RBPJ: variants seen among roughly 807,000 people sequenced by gnomAD.
The protein encoded by RBPJ is recombination signal binding protein for immunoglobulin kappa J region.
Under a neutral mutation model 67.8 loss-of-function variants are expected in RBPJ, and 9 were observed. That is an observed-to-expected ratio of 0.13 (90% CI 0.08 to 0.23). RBPJ has a LOEUF of 0.23. Among genes scored for constraint, RBPJ ranks in the 10% least tolerant of loss-of-function variants. The pLI, the probability that RBPJ is intolerant of heterozygous loss-of-function variation, is 1.00. For synonymous variants in RBPJ, 198 were observed against 203.3 expected, an observed-to-expected ratio of 0.97 and a Z score of 0.22; for missense variants, 305 against 595.6, an observed-to-expected ratio of 0.51 and a Z score of 5.08.
intron 1 of RBPJ, among the ~76,000 whole-genome samples, chr4:26,227,419 A>G (rs560052727): frequency 6.6e-6 from 1 of 152,332 alleles, no homozygotes. Flanking sequence ...AGCTAATAAG[A>G]CAATGTAAAG....
the RBPJ span, among the ~76,000 whole-genome samples, chr4:26,142,969 A>G: frequency 6.6e-6 from 1 of 152,112 alleles, no homozygotes; most frequent in Non-Finnish European, 1.5e-5. Flanking sequence ...TTTAGTAGAG[A>G]TGGGGTTTCA....
chr4:26,397,387 G>GT (rs1204706002), intron 2 of RBPJ, among the ~76,000 whole-genome samples: 1 of 152,160 alleles, frequency 6.6e-6, no homozygotes, highest in Non-Finnish European at 1.5e-5. Context: ...TGAACCCTCA[G>GT]TTGTTCATAA....
chr4:26,110,246 A>T, the RBPJ span, among the ~76,000 whole-genome samples: 2 of 152,154 alleles, frequency 1.3e-5, no homozygotes, highest in Admixed American at 6.5e-5. This position sits in a 1 kb window ranked among gnomAD's most constrained non-coding sequence, Gnocchi z 4.5. Context: ...GTTTCTGATT[A>T]TGGACCTTTG....
In RBPJ at chr4:26,406,244, A is replaced by C. The variant is rs1162207910; in HGVS notation, c.129A>C (p.Ala43=). ...TACTTATTCTTCATGCAAAAGTTGC[A>C]CAGAAGTCATATGGAAATGAAAAAA... ...QTVLILHAKV[A]QKSYGNEKRF... Residue 43 remains alanine (A), a synonymous_variant, in exon 3 of 11, where the codon GCA becomes GCC. Transcript: ENST00000355476. The C allele has an allele frequency of 1.2e-6, 2 of 1,610,296 alleles. No homozygotes were observed. Among genetic ancestry groups the C allele is most frequent in the Non-Finnish European group, 1.7e-6 (2 of 1,177,450 alleles).
At chr4:26,205,594 T>G (rs928978818) in intron 1 of RBPJ, among the ~76,000 whole-genome samples, 1 of 151,962 alleles carries the variant, frequency 6.6e-6, no homozygotes, top group African/African-American at 2.4e-5. Flanking sequence ...AAAAAAATTT[T>G]TTTTGTTTTG....
At chr4:26,394,470 CA>C (rs746553983) in intron 2 of RBPJ, among the ~76,000 whole-genome samples, 2,844 of 106,900 alleles carry the variant, frequency 0.027, 34 homozygotes, top group African/African-American at 0.048. Context: ...ACTGTCAGTT[CA>C]AAAAAAAAAA....
At chr4:26,328,533 G>A (rs1723892035) in intron 1 of RBPJ, among the ~76,000 whole-genome samples, 1 of 152,234 alleles carries the variant, frequency 6.6e-6, no homozygotes, top group South Asian at 2.1e-4. Context: ...TAGAAAAGGT[G>A]AGAGTTGATA....
intron 1 of RBPJ, among the ~76,000 whole-genome samples, chr4:26,214,481 CAAGG>C (rs1023135343): frequency 1.3e-5 from 1 of 78,464 alleles, no homozygotes; most frequent in Admixed American, 2.1e-4. Flanking sequence ...GAAAGAGAAA[CAAGG>C]AGGGAAGGAG....
chr4:26,370,157 C>T (rs907904801), intron 1 of RBPJ, among the ~76,000 whole-genome samples: 1 of 151,970 alleles, frequency 6.6e-6, no homozygotes, highest in Non-Finnish European at 1.5e-5. Flanking sequence ...AATAACTGGA[C>T]CAGTGGTTTT....
chr4:26,386,230 T>A, intron 1 of RBPJ, 123 bp from the exon 2 acceptor site: 1 of 655,996 alleles, frequency 1.5e-6, no homozygotes, highest in South Asian at 2.0e-5. Flanking sequence ...ATTTCTGTCT[T>A]CATGTTCTTC....
upstream of RBPJ, among the ~76,000 whole-genome samples, chr4:26,162,910 G>C (rs1454211373): frequency 6.6e-6 from 1 of 151,938 alleles, no homozygotes; most frequent in Non-Finnish European, 1.5e-5. Flanking sequence ...ATAGATGGTT[G>C]TCACCAGGGC....
chr4:26,418,083 T>A (rs2109794914), intron 4 of RBPJ, among the ~76,000 whole-genome samples: 1 of 152,330 alleles, frequency 6.6e-6, no homozygotes, highest in African/African-American at 2.4e-5. Flanking sequence ...TTTTTAAACA[T>A]CATATACTCT....
chr4:26,353,657 G>C (rs745664839), intron 1 of RBPJ, among the ~76,000 whole-genome samples: 1 of 147,424 alleles, frequency 6.8e-6, no homozygotes, highest in Non-Finnish European at 1.5e-5. Context: ...CACCCAAGCT[G>C]GTGTGTAGTG....
At chr4:26,282,505 T>C (rs528472782) in intron 1 of RBPJ, among the ~76,000 whole-genome samples, 3 of 151,080 alleles carry the variant, frequency 2.0e-5, no homozygotes, top group Non-Finnish European at 2.9e-5. Context: ...ATGAGCTTCA[T>C]GTATTTCTTT....
intron 1 of RBPJ, among the ~76,000 whole-genome samples, chr4:26,244,267 A>ATATGTATG: frequency 7.2e-6 from 1 of 138,278 alleles, no homozygotes; most frequent in Non-Finnish European, 1.6e-5. Context: ...ACATATGTGT[A>ATATGTATG]CACATATATG....
At chr4:26,398,058 T>A (rs2109699770) in intron 2 of RBPJ, among the ~76,000 whole-genome samples, 1 of 137,876 alleles carries the variant, frequency 7.3e-6, no homozygotes, top group Middle Eastern at 3.7e-3. Context: ...TCTAAAATGT[T>A]CACGAGTGAT....
chr4:26,399,673 A>G (rs1732558353), intron 2 of RBPJ, among the ~76,000 whole-genome samples: 1 of 151,986 alleles, frequency 6.6e-6, no homozygotes, highest in Admixed American at 6.6e-5. Context: ...TATTTTTGAT[A>G]ACAAAATCTC....
At chr4:26,202,320 G>A (rs915367401) in intron 1 of RBPJ, among the ~76,000 whole-genome samples, 4 of 151,734 alleles carry the variant, frequency 2.6e-5, no homozygotes, top group Admixed American at 6.6e-5. Context: ...GGAATTGCTA[G>A]TCAAGAATGA....
rs983475426 is a variant in RBPJ, at chr4:26,254,635, T to C, written c.-167+91021T>C. Among the ~76,000 whole-genome samples the C allele has an allele frequency of 2.0e-5, 3 of 148,182 alleles. 1 individual carries two copies. The highest frequency in any genetic ancestry group is 7.9e-5 in the African/African-American group (3 of 37,780). On this transcript the variant is annotated intron_variant, in intron 1 of 4. Coordinates refer to the RBPJ transcript ENST00000512351. ...TGCTATACATGCTACGTGAATGTTA[T>C]CGATGCTAGATATGCTGTAAAAACA...
Sources: gnomAD v4.1 joint callset for allele counts (sites outside exome capture counted in the v4.1 genomes callset) on GRCh38, gnomAD v4.1.1 for gene constraint, Gnocchi (gnomAD v3.1) non-coding constraint, MANE v1.5 for transcripts, NCBI Gene and HGNC (gene_info 2026-07-23, HGNC 2026-07-21) for gene names.